Variants in TBCK observed in about 807,000 individuals in gnomAD.
TBCK encodes the protein TBC domain-containing protein kinase-like protein.
In TBCK, 99 loss-of-function variants were observed where a neutral mutation model predicts 113.4. That is an observed-to-expected ratio of 0.87 (90% confidence interval 0.74 to 1.03). TBCK has a LOEUF of 1.03. Among genes scored for constraint, TBCK ranks in the 50% least tolerant of loss-of-function variants. The pLI, the probability that TBCK is intolerant of heterozygous loss-of-function variation, is 0.00. For missense variants in TBCK, 1,045 were observed against 1,061.3 expected, an observed-to-expected ratio of 0.98 and a Z score of 0.21; for synonymous variants, 369 against 370.8, an observed-to-expected ratio of 1.00 and a Z score of 0.05.
upstream of TBCK, chr4:106,316,581 G>A (rs1188666811): frequency 3.2e-6 from 5 of 1,551,552 alleles, no homozygotes; most frequent in Admixed American, 3.9e-5. Flanking sequence ...GGAACCCGTG[G>A]TCCTCCGCTT....
At chr4:106,118,862 A>G (rs1743897785) in intron 23 of TBCK, among the ~76,000 whole-genome samples, 1 of 152,212 alleles carries the variant, frequency 6.6e-6, no homozygotes, top group East Asian at 1.9e-4. Flanking sequence ...GCTATATGAA[A>G]TGGTAAGAAG....
chr4:106,246,343 G>T (rs1429409013), intron 10 of TBCK, among the ~76,000 whole-genome samples: 1 of 152,074 alleles, frequency 6.6e-6, no homozygotes, highest in Non-Finnish European at 1.5e-5. Flanking sequence ...TATGACTTAA[G>T]TCATAACAAC....
At position 106,045,113 on chromosome 4, in the gene TBCK, C is replaced by G. The variant is rs1268087553; in HGVS notation, c.*1457G>C. 1 of 144,214 alleles carries G rather than the reference C, an allele frequency of 6.9e-6. No individual in the cohort carries two copies. The highest frequency in any genetic ancestry group is 2.0e-4 in the East Asian group (1 of 4,900). The allele number at this position is 144,214 out of a possible 1,614,324, so 8.9% of individuals were successfully genotyped here. On this transcript the variant is annotated 3_prime_UTR_variant, in exon 26 of 26. Coordinates refer to ENST00000394708, the MANE Select transcript of TBCK (RefSeq NM_001163435.3). Reference sequence around the variant, plus strand: ...GAGCCCTGTTGCCCAGGCTGGGGTACAGTGGCCCTATCATGGCTCATTGCA... The same window carrying G: ...GAGCCCTGTTGCCCAGGCTGGGGTAGAGTGGCCCTATCATGGCTCATTGCA...
At chr4:106,173,198 A>T (rs1300127661) in intron 22 of TBCK, among the ~76,000 whole-genome samples, 1 of 152,188 alleles carries the variant, frequency 6.6e-6, no homozygotes, top group Admixed American at 6.5e-5. Context: ...TGGGCAATGG[A>T]TAATATAGTG....
chr4:106,196,600 A>G (rs1754267612), intron 20 of TBCK, among the ~76,000 whole-genome samples: 4 of 152,010 alleles, frequency 2.6e-5, no homozygotes, highest in Admixed American at 2.0e-4. Flanking sequence ...CATCTCCACC[A>G]TATCATCATT....
chr4:106,071,201 T>A (rs944229787), intron 25 of TBCK, among the ~76,000 whole-genome samples: 1 of 152,242 alleles, frequency 6.6e-6, no homozygotes, highest in Non-Finnish European at 1.5e-5. Flanking sequence ...GGGTGTCGAT[T>A]TTAGATCTTT....
intron 3 of TBCK, among the ~76,000 whole-genome samples, chr4:106,267,100 A>C (rs1763060909): frequency 1.3e-5 from 2 of 151,974 alleles, no homozygotes; most frequent in South Asian, 4.1e-4. Context: ...TCAGTAACCA[A>C]GAAAATGTAA....
At chr4:106,076,881 T>C (rs113909559) in intron 25 of TBCK, among the ~76,000 whole-genome samples, 4,244 of 152,128 alleles carry the variant, frequency 0.028, 191 homozygotes, top group African/African-American at 0.097. Flanking sequence ...GGTGGGCAGA[T>C]TGCTTGAGCC....
chr4:106,260,087 G>A (rs1428644562), intron 5 of TBCK, among the ~76,000 whole-genome samples: 1 of 151,844 alleles, frequency 6.6e-6, no homozygotes, highest in Non-Finnish European at 1.5e-5. Flanking sequence ...ATGTTTTTCA[G>A]TCTCTTGATG....
chr4:106,109,868 T>C (rs1742622299), intron 24 of TBCK, among the ~76,000 whole-genome samples: 1 of 151,940 alleles, frequency 6.6e-6, no homozygotes, highest in Non-Finnish European at 1.5e-5. Context: ...GTGGAAAAAA[T>C]TGTAGAAAGA....
At chr4:106,270,042 G>C (rs1763336010) in intron 3 of TBCK, among the ~76,000 whole-genome samples, 2 of 152,188 alleles carry the variant, frequency 1.3e-5, no homozygotes, top group South Asian at 4.1e-4. Context: ...AGATCAATGA[G>C]CTATCGGCCC....
At chr4:106,128,260 C>A (rs942552501) in intron 23 of TBCK, among the ~76,000 whole-genome samples, 1 of 152,130 alleles carries the variant, frequency 6.6e-6, no homozygotes, top group African/African-American at 2.4e-5. Flanking sequence ...AAGAAAACCC[C>A]ATTGTAGAGC....
intron 25 of TBCK, among the ~76,000 whole-genome samples, chr4:106,052,740 C>T (rs1306626596): frequency 6.6e-6 from 1 of 151,584 alleles, no homozygotes; most frequent in African/African-American, 2.4e-5. Flanking sequence ...TTTCTCTGTA[C>T]ATTTTTATTT....
rs760815636 is a variant in TBCK at position 106,248,913 on chromosome 4, T to C, written c.720+8A>G. 2 of 1,598,756 alleles carry C rather than the reference T, an allele frequency of 1.3e-6. No individual in the cohort carries two copies. Among genetic ancestry groups the C allele is most frequent in the Non-Finnish European group, 1.7e-6 (2 of 1,174,680 alleles). Reference sequence around the variant, plus strand: ...ACAAATGGACTAAGACCCAGATTAATGACAAACCTTTATAATGTCCAAACA... The same window carrying C: ...ACAAATGGACTAAGACCCAGATTAACGACAAACCTTTATAATGTCCAAACA... On this transcript the variant is annotated splice_region_variant and intron_variant, in intron 8 of 25. Transcript: ENST00000394708.
intron 2 of TBCK, among the ~76,000 whole-genome samples, chr4:106,301,989 A>T (rs986240744): frequency 2.0e-5 from 3 of 152,228 alleles, no homozygotes; most frequent in Admixed American, 2.0e-4. Context: ...TGAAATGACT[A>T]GAATGTTTTG....
intron 3 of TBCK, among the ~76,000 whole-genome samples, chr4:106,294,334 C>A (rs1001512348): frequency 4.0e-5 from 6 of 151,802 alleles, no homozygotes; most frequent in African/African-American, 1.5e-4. Flanking sequence ...GGATTACAGG[C>A]ACGCACCACC....
chr4:106,159,092 A>G (rs1749453833), intron 23 of TBCK, among the ~76,000 whole-genome samples: 2 of 151,972 alleles, frequency 1.3e-5, no homozygotes, highest in Non-Finnish European at 2.9e-5. Flanking sequence ...GAACAAAATC[A>G]AACTGTTTCA....
At chr4:106,119,236 T>C (rs74655765) in intron 23 of TBCK, among the ~76,000 whole-genome samples, 3,741 of 152,276 alleles carry the variant, frequency 0.025, 63 homozygotes, top group Non-Finnish European at 0.036. Context: ...TTACAGGTAA[T>C]GGACAAGATT....
At chr4:106,207,842 C>T (rs1282304277) in intron 20 of TBCK, among the ~76,000 whole-genome samples, 3 of 152,184 alleles carry the variant, frequency 2.0e-5, no homozygotes, top group Non-Finnish European at 4.4e-5. Flanking sequence ...GACAAGAAAA[C>T]AGTTGTAGAT....
Sources: gnomAD v4.1 joint callset for allele counts (sites outside exome capture counted in the v4.1 genomes callset) on GRCh38, gnomAD v4.1.1 for gene constraint, MANE v1.5 for transcripts, NCBI Gene and HGNC (gene_info 2026-07-23, HGNC 2026-07-21) for gene names.